Variants in MTERF4 observed in about 807,000 individuals in gnomAD.
MTERF4 encodes the protein transcription termination factor 4, mitochondrial.
MTERF4 carries 17 observed loss-of-function variants against 22.5 expected under a neutral mutation model. The ratio of observed to expected loss-of-function variants is 0.75; its 90% confidence interval spans 0.52 to 1.13. The LOEUF (loss-of-function observed/expected upper bound fraction) is 1.13. MTERF4 is among the 50% of genes most tolerant of loss of function. The pLI is 0.00. For synonymous variants in MTERF4, 165 were observed against 175.3 expected, an observed-to-expected ratio of 0.94 and a Z score of 0.47; for missense variants, 420 against 466.8, an observed-to-expected ratio of 0.90 and a Z score of 0.92.
downstream of MTERF4, chr2:241,087,700 G>A: frequency 7.3e-7 from 1 of 1,365,340 alleles, no homozygotes. Context: ...CTGGGTGCTG[G>A]GGGGGGTCAC....
At chr2:241,070,994 C>T (rs1202865900), downstream of MTERF4, among the ~76,000 whole-genome samples, 1 of 152,176 alleles carries the variant, frequency 6.6e-6, no homozygotes, top group Non-Finnish European at 1.5e-5. Flanking sequence ...AACCCTGCCA[C>T]CCCCACCAGC....
chr2:241,088,379 G>A, downstream of MTERF4: 1 of 1,611,560 alleles, frequency 6.2e-7, no homozygotes, highest in Non-Finnish European at 8.5e-7. Context: ...CAAAGTAAGA[G>A]TCAGACACTG....
At position 241,096,473 on chromosome 2, in the gene MTERF4, A is replaced by G; in HGVS notation, c.706-35T>C. ...ACAAACACACTTAGGAGTCCCAGATACAGAGTATTGAAACCTATCATTCTA... is the reference window on the plus strand; with the variant it reads ...ACAAACACACTTAGGAGTCCCAGATGCAGAGTATTGAAACCTATCATTCTA... On this transcript the variant is annotated intron_variant, in intron 3 of 3. Transcript: ENST00000391980. The surrounding 1 kb of genome is among the most constrained non-coding windows in gnomAD (Gnocchi z 5.1). 4 of 1,604,152 alleles carry G rather than the reference A, an allele frequency of 2.5e-6. No homozygotes were observed. In the South Asian group the frequency reaches 4.4e-5, roughly 18 times the overall value.
the MTERF4 span, among the ~76,000 whole-genome samples, chr2:241,066,391 C>T: frequency 1.6e-4 from 25 of 152,272 alleles, no homozygotes; most frequent in Admixed American, 3.9e-4. Context: ...GGGGCAGGGC[C>T]GGAAGAAAGC....
At chr2:241,052,651 G>A in the MTERF4 span, among the ~76,000 whole-genome samples, 1 of 138,960 alleles carries the variant, frequency 7.2e-6, no homozygotes, top group Non-Finnish European at 1.6e-5. Flanking sequence ...GCCAAGCAGG[G>A]TACATGGGAC....
chr2:241,053,423 A>G, the MTERF4 span: 7 of 1,294,610 alleles, frequency 5.4e-6, no homozygotes, highest in Non-Finnish European at 5.3e-6. Context: ...CCAAGCCTGG[A>G]TGCCCAGCTC....
chr2:241,057,485 C>G, the MTERF4 span, among the ~76,000 whole-genome samples: 1 of 149,348 alleles, frequency 6.7e-6, no homozygotes. Context: ...CAGTTCAAGA[C>G]CAGTCTGGGC....
the MTERF4 span, chr2:241,065,225 C>A: frequency 1.3e-6 from 2 of 1,504,106 alleles, no homozygotes; most frequent in South Asian, 1.2e-5. Context: ...CCGGCTGAGC[C>A]GCCGACGGGA....
At chr2:241,049,783 A>T in the MTERF4 span, 8 of 1,549,874 alleles carry the variant, frequency 5.2e-6, no homozygotes, top group Non-Finnish European at 7.1e-6. Context: ...ATGCGGCGTA[A>T]GCTCCAGGAC....
At chr2:241,066,013 T>G in the MTERF4 span, among the ~76,000 whole-genome samples, 1 of 152,082 alleles carries the variant, frequency 6.6e-6, no homozygotes, top group Non-Finnish European at 1.5e-5. Flanking sequence ...AAGAGGCACC[T>G]GCTCACAGGG....
chr2:241,071,656 C>A (rs1332352717), downstream of MTERF4: 1 of 1,568,620 alleles, frequency 6.4e-7, no homozygotes, highest in South Asian at 1.2e-5. Context: ...GCCCCCGGCG[C>A]GCCTGCCGGA....
At chr2:241,099,963 C>A (rs1288971260) in intron 1 of MTERF4, 69 bp from the exon 2 acceptor site, 3 of 1,530,142 alleles carry the variant, frequency 2.0e-6, no homozygotes. Context: ...CATAAGACTT[C>A]TGAGCCAGAG....
At chr2:241,101,253 C>T (rs2064692674) in intron 1 of MTERF4, 2 of 454,968 alleles carry the variant, frequency 4.4e-6, no homozygotes, top group South Asian at 1.6e-5. Flanking sequence ...GACAGATCAT[C>T]GGGCATCAGA....
At chr2:241,060,590 A>G in the MTERF4 span, among the ~76,000 whole-genome samples, 1 of 152,084 alleles carries the variant, frequency 6.6e-6, no homozygotes, top group Non-Finnish European at 1.5e-5. Flanking sequence ...TTGGTTCTCT[A>G]TTTTTCATAC....
At chr2:241,089,209 C>G, downstream of MTERF4, 1 of 1,274,130 alleles carries the variant, frequency 7.8e-7, no homozygotes, top group Non-Finnish European at 1.1e-6. Context: ...ATCAACATGT[C>G]ACTGCATGAA....
chr2:241,064,335 A>G, the MTERF4 span, among the ~76,000 whole-genome samples: 5 of 149,948 alleles, frequency 3.3e-5, no homozygotes, highest in African/African-American at 1.2e-4. The surrounding 1 kb of genome is among the most constrained non-coding windows in gnomAD (Gnocchi z 7.0). Flanking sequence ...AAACCTCCCC[A>G]TCTCCTGCGC....
the MTERF4 span, among the ~76,000 whole-genome samples, chr2:241,065,117 C>T: frequency 3.9e-5 from 6 of 152,160 alleles, no homozygotes; most frequent in East Asian, 3.9e-4. Context: ...GCTTGAAACA[C>T]GGTCACACAT....
chr2:241,046,283 C>T, the MTERF4 span, among the ~76,000 whole-genome samples: 1 of 152,170 alleles, frequency 6.6e-6, no homozygotes, highest in African/African-American at 2.4e-5. Flanking sequence ...TTATAATATG[C>T]CCCAGCAATC....
At chr2:241,097,091 A>T in intron 3 of MTERF4, 152 bp downstream of exon 3, 1 of 851,084 alleles carries the variant, frequency 1.2e-6, no homozygotes, top group South Asian at 1.7e-5. Flanking sequence ...TCTTATCCAT[A>T]TAACTGACCT....
Sources: allele counts gnomAD v4.1 joint callset (sites outside exome capture counted in the v4.1 genomes callset), GRCh38; gene constraint gnomAD v4.1.1; non-coding constraint Gnocchi (gnomAD v3.1); transcripts MANE v1.5; gene names NCBI Gene and HGNC (gene_info 2026-07-23, HGNC 2026-07-21).